Variants in USP20 observed in about 807,000 individuals in gnomAD.
USP20 encodes ubiquitin specific peptidase 20, also known as ubiquitin carboxyl-terminal hydrolase 20.
A neutral mutation model predicts 124.2 loss-of-function variants in USP20; 80 were observed. That is an observed-to-expected ratio of 0.64 (90% CI 0.54 to 0.78). The LOEUF is 0.78. Ranked by LOEUF, USP20 falls within the 30% of genes least tolerant of loss-of-function variation. The pLI is 0.00. For synonymous variants in USP20, 481 were observed against 512.3 expected (o/e 0.94, Z 0.83); for missense variants, 1,043 against 1,244.4 (o/e 0.84, Z 2.44).
At chr9:129,870,699 G>T in intron 15 of USP20, 152 bp downstream of exon 15, 2 of 834,818 alleles carry the variant, frequency 2.4e-6, no homozygotes, top group Non-Finnish European at 3.7e-6. Context: ...AGATACCCAC[G>T]CCCACTGCCA....
intron 23 of USP20, among the ~76,000 whole-genome samples, chr9:129,878,716 C>T (rs1020359110): frequency 1.3e-5 from 2 of 152,210 alleles, no homozygotes; most frequent in African/African-American, 4.8e-5. Context: ...CCTGCAAGGC[C>T]CTTTCCTCAG....
intron 10 of USP20, among the ~76,000 whole-genome samples, chr9:129,867,255 G>A (rs550798515): frequency 1.3e-5 from 2 of 152,320 alleles, no homozygotes; most frequent in South Asian, 4.2e-4. Context: ...TGAGCACACA[G>A]ATCTCAGTGG....
Position 129,880,240 on chromosome 9 carries a change from G to A in USP20, c.2712G>A (p.Glu904=), listed in dbSNP as rs1440727449. ...QPLGPENLHG[E]QKIEAETRAV The stretch of plus-strand genomic sequence containing the variant: ...TGGGCCCAGAGAACCTGCACGGGGA[G>A]CAGAAGATCGAAGCCGAGACGCGGG... The change falls in exon 25 of 26, where the codon GAG becomes GAA. Residue 904 remains glutamate, a synonymous_variant. Coordinates refer to ENST00000372429, the MANE Select transcript of USP20 (RefSeq NM_001110303.4). The A allele has an allele frequency of 6.2e-7, 1 of 1,611,592 alleles. No homozygotes were observed. The highest frequency in any genetic ancestry group is 2.2e-5 in the East Asian group (1 of 44,792).
intron 6 of USP20, among the ~76,000 whole-genome samples, chr9:129,860,678 T>C (rs927108457): frequency 2.0e-5 from 3 of 152,144 alleles, no homozygotes; most frequent in African/African-American, 7.2e-5. Context: ...GAGCTCTGAT[T>C]GTGCCACTGC....
intron 1 of USP20, among the ~76,000 whole-genome samples, chr9:129,847,176 T>TG (rs1230237934): frequency 6.6e-6 from 1 of 152,140 alleles, no homozygotes; most frequent in Non-Finnish European, 1.5e-5. Context: ...CTCAATAGTG[T>TG]GGTACTATTT....
chr9:129,869,277 G>A (rs2131085671), intron 12 of USP20, 33 bp from the exon 13 acceptor site: 2 of 1,587,212 alleles, frequency 1.3e-6, no homozygotes, highest in Middle Eastern at 1.7e-4. Context: ...CCAGGCAGGT[G>A]GAGGCTGGGC....
In USP20 at chr9:129,869,674, A is replaced by G. The variant is rs758722013; in HGVS notation, c.1395A>G (p.Val465=). The G allele has an allele frequency of 1.9e-6, 3 of 1,614,066 alleles. No homozygotes were observed. In the Admixed American group the frequency reaches 5.0e-5, roughly 27 times the overall value. Residue 465 remains valine, a splice_region_variant and synonymous_variant, in exon 14 of 26, where the codon GTA becomes GTG. Transcript: ENST00000372429. The part of the protein sequence containing the change: ...SLVQCLTCDR[V]STTVETFQDL... ...CAGACTGACCTTCAACCCCACAGGT[A>G]TCCACCACAGTGGAAACGTTCCAGG... is the stretch of plus-strand genomic sequence containing the variant.
chr9:129,852,515 C>A (rs374046078), intron 2 of USP20, 25 bp from the exon 3 acceptor site: 1 of 1,561,520 alleles, frequency 6.4e-7, no homozygotes, highest in Admixed American at 1.9e-5. Context: ...GCCATTAACC[C>A]GGGATTGCTT....
At chr9:129,863,105 G>C (rs1292671052) in intron 8 of USP20, 81 bp from the exon 9 acceptor site, 1 of 1,145,966 alleles carries the variant, frequency 8.7e-7, no homozygotes, top group African/African-American at 1.5e-5. Flanking sequence ...AGCACTCAGG[G>C]CTCCCCGCTA....
chr9:129,839,322 TGTTA>T lies in USP20; in HGVS notation c.-129+3826_-129+3829del, dbSNP rs2032057629. Among the ~76,000 whole-genome samples, 1 of 152,050 alleles carries T rather than the reference TGTTA, an allele frequency of 6.6e-6. No homozygotes were observed. The highest frequency in any genetic ancestry group is 2.4e-5 in the African/African-American group (1 of 41,376). On this transcript the variant is annotated intron_variant, in intron 1 of 25. Transcript: ENST00000372429. The surrounding 1 kb of genome is among the most constrained non-coding windows in gnomAD (Gnocchi z 4.5). ...CACATGTGAGAACACCAGACTAAGATGTTAGTGTCAGTTCCAATATTCAGGGCCG... is the reference window on the plus strand; with the variant it reads ...CACATGTGAGAACACCAGACTAAGATGTGTCAGTTCCAATATTCAGGGCCG...
chr9:129,863,348 T>C (rs1256980315), intron 9 of USP20, 49 bp downstream of exon 9: 2 of 1,427,332 alleles, frequency 1.4e-6, no homozygotes, highest in Non-Finnish European at 1.9e-6. Context: ...GACTGGGGTT[T>C]CCTGTCAGCA....
intron 3 of USP20, among the ~76,000 whole-genome samples, chr9:129,854,657 G>C (rs2033119516): frequency 6.7e-6 from 1 of 150,326 alleles, no homozygotes; most frequent in Admixed American, 6.6e-5. Context: ...AAAAAAAACT[G>C]GGAAGAGGAG....
At chr9:129,840,475 C>G (rs575124784) in intron 1 of USP20, among the ~76,000 whole-genome samples, 1 of 152,300 alleles carries the variant, frequency 6.6e-6, no homozygotes, top group African/African-American at 2.4e-5. Context: ...GCTCCCTGCT[C>G]CCACCTCAAA....
At chr9:129,858,927 G>A (rs948848681) in intron 6 of USP20, among the ~76,000 whole-genome samples, 11 of 152,274 alleles carry the variant, frequency 7.2e-5, no homozygotes, top group African/African-American at 1.9e-4. Context: ...ACCCTTCCAG[G>A]CCTTATGGAG....
rs1433522292 is a variant in USP20 at position 129,880,860 on chromosome 9, C to T, written c.*410C>T. On this transcript the variant is annotated 3_prime_UTR_variant, in exon 26 of 26. Coordinates refer to ENST00000372429, the MANE Select transcript of USP20 (RefSeq NM_001110303.4). ...AGCCCCGAAGACTCGGAGGGAGCTGCTCAGGGCCGGTGAGCGCAGCCAGAA... is the reference window on the plus strand; with the variant it reads ...AGCCCCGAAGACTCGGAGGGAGCTGTTCAGGGCCGGTGAGCGCAGCCAGAA... 2.6e-5 allele frequency: 4 copies of T among 153,678 alleles called. No homozygotes were observed. Among genetic ancestry groups the T allele is most frequent in the Admixed American group, 6.4e-5 (1 of 15,598 alleles). 9.5% of individuals were successfully genotyped at this position (153,678 alleles called of 1,614,324 possible).
intron 1 of USP20, among the ~76,000 whole-genome samples, chr9:129,838,196 C>CA (rs1452962575): frequency 6.6e-6 from 1 of 151,984 alleles, no homozygotes; most frequent in Non-Finnish European, 1.5e-5. Context: ...CGCCCACCAC[C>CA]ACACCTGGCT....
At chr9:129,865,529 A>G (rs1205514127) in intron 10 of USP20, 148 bp downstream of exon 10, 5 of 794,434 alleles carry the variant, frequency 6.3e-6, no homozygotes, top group Non-Finnish European at 8.3e-6. Context: ...TAAGCCCTTC[A>G]CACGTGTGAG....
rs767357268 is a variant in USP20 at position 129,879,572 on chromosome 9, G to A, written c.2513-1G>A. The A allele has an allele frequency of 1.9e-6, 3 of 1,613,456 alleles. No homozygotes were observed. The highest frequency in any genetic ancestry group is 2.5e-6 in the Non-Finnish European group (3 of 1,179,890). ...ACCCGAGCCCGCTGTGTCTGTTGCAGAGCCCCCCGGGCCCATTGACAACAG... is the reference window on the plus strand; with the variant it reads ...ACCCGAGCCCGCTGTGTCTGTTGCAAAGCCCCCCGGGCCCATTGACAACAG... On this transcript the variant is annotated splice_acceptor_variant, in intron 23 of 25. Coordinates refer to ENST00000372429, the MANE Select transcript of USP20 (RefSeq NM_001110303.4). LOFTEE classifies it high-confidence loss of function. This position sits in a 1 kb window ranked among gnomAD's most constrained non-coding sequence, Gnocchi z 4.2.
At position 129,879,278 on chromosome 9, in the gene USP20, C is replaced by G; in HGVS notation, c.2513-295C>G. On this transcript the variant is annotated intron_variant, in intron 23 of 25. Transcript: ENST00000372429. The surrounding 1 kb of genome is among the most constrained non-coding windows in gnomAD (Gnocchi z 4.2). The stretch of plus-strand genomic sequence containing the variant: ...GCCGAGGCTAAATGAGATAGCTGGG[C>G]AGAGGGGAAGGGGCGTGGTGAGCGG... The G allele has an allele frequency of 2.4e-6, 1 of 420,528 alleles. No individual in the cohort carries two copies. Among genetic ancestry groups the G allele is most frequent in the Non-Finnish European group, 4.3e-6 (1 of 233,286 alleles). 26.0% of individuals were successfully genotyped at this position (420,528 alleles called of 1,614,324 possible).
Sources: gnomAD v4.1 joint callset for allele counts (sites outside exome capture counted in the v4.1 genomes callset) on GRCh38, gnomAD v4.1.1 for gene constraint, Gnocchi (gnomAD v3.1) non-coding constraint, MANE v1.5 for transcripts, NCBI Gene and HGNC (gene_info 2026-07-23, HGNC 2026-07-21) for gene names.